Variants in PKD2 observed in about 807,000 individuals in gnomAD.
PKD2 encodes the protein polycystin 2, transient receptor potential cation channel.
Under a neutral mutation model 105.9 loss-of-function variants are expected in PKD2, and 48 were observed. The observed-to-expected ratio is 0.45, with a 90% CI of 0.36 to 0.58. The LOEUF (loss-of-function observed/expected upper bound fraction) is 0.58, where lower values mean the gene tolerates loss of function less well. PKD2 is among the 20% of genes least tolerant of loss of function. The pLI is 0.00. For missense variants in PKD2, 1,078 were observed against 1,255.3 expected, an observed-to-expected ratio of 0.86 and a Z score of 2.13; for synonymous variants, 464 against 481.1, an observed-to-expected ratio of 0.96 and a Z score of 0.46.
chr4:88,042,271 C>T (rs1203414052), intron 4 of PKD2, among the ~76,000 whole-genome samples: 1 of 152,190 alleles, frequency 6.6e-6, no homozygotes, highest in Non-Finnish European at 1.5e-5. Context: ...TCACGTCTTA[C>T]GTGGATGGCA....
intron 4 of PKD2, 52 bp from the exon 5 acceptor site, chr4:88,043,181 C>G: frequency 1.7e-6 from 2 of 1,154,658 alleles, no homozygotes; most frequent in East Asian, 2.4e-5. Flanking sequence ...GTAATTGCCT[C>G]AAGTGTTCCA....
chr4:88,046,598 G>GTGT (rs770946743), intron 5 of PKD2, 44 bp from the exon 6 acceptor site: 3 of 1,119,852 alleles, frequency 2.7e-6, no homozygotes, highest in Non-Finnish European at 4.1e-6. Context: ...CTGTATTCAT[G>GTGT]TGTTGTTGTT....
chr4:88,072,464 A>T (rs1721070976), intron 13 of PKD2, among the ~76,000 whole-genome samples: 1 of 152,220 alleles, frequency 6.6e-6, no homozygotes, highest in Non-Finnish European at 1.5e-5. Context: ...CATTCCAAAT[A>T]AAGTCCATTC....
At chr4:88,042,593 T>C (rs534248060) in intron 4 of PKD2, among the ~76,000 whole-genome samples, 2 of 152,312 alleles carry the variant, frequency 1.3e-5, no homozygotes, top group East Asian at 3.9e-4. Context: ...CACTGCCAGA[T>C]CCCCAAATAA....
In PKD2 at chr4:88,076,831, CAAAAAT is replaced by C. The variant is rs915732553; in HGVS notation, c.*1143_*1148del. On this transcript the variant is annotated 3_prime_UTR_variant, in exon 15 of 15. Transcript: ENST00000237596. ...CGAAACTCCATCTCTACAAAAAATG[CAAAAAT>C]AAAAAATATAGTACTCAAGTATTCT... 14 of 151,968 alleles carry C rather than the reference CAAAAAT, an allele frequency of 9.2e-5. No individual in the cohort carries two copies. The highest frequency in any genetic ancestry group is 3.4e-4 in the African/African-American group (14 of 41,452). 9.4% of individuals were successfully genotyped at this position (151,968 alleles called of 1,614,324 possible).
Position 88,046,690 on chromosome 4 carries a change from A to G in PKD2, c.1368A>G (p.Gln456=), listed in dbSNP as rs529196998. 10 of 1,613,804 alleles carry G rather than the reference A, an allele frequency of 6.2e-6. No individual in the cohort carries two copies. In the East Asian group the frequency reaches 6.7e-5, roughly 11 times the overall value. The change falls in exon 6 of 15, where the codon CAA becomes CAG. Residue 456 remains glutamine (Q), a synonymous_variant. Coordinates refer to ENST00000237596, the MANE Select transcript of PKD2 (RefSeq NM_000297.4). ...CAGGTGGTGTGATTCCATCTTGGCA[A>G]TTTCAGCCTTTAAAGCTGATCCGAT... ...PATGGVIPSW[Q]FQPLKLIRYV... is the part of the protein sequence containing the mutation.
intron 1 of PKD2, among the ~76,000 whole-genome samples, chr4:88,009,736 A>T (rs17013709): frequency 0.098 from 14,888 of 152,174 alleles, 1,069 homozygotes; most frequent in East Asian, 0.41. Context: ...TAAAACACTA[A>T]CACTTTTTAA....
chr4:88,021,095 T>C (rs756875402), intron 2 of PKD2, among the ~76,000 whole-genome samples: 7 of 152,232 alleles, frequency 4.6e-5, no homozygotes, highest in Non-Finnish European at 8.8e-5. Context: ...GCCTTAAATA[T>C]TAACAAGTTG....
chr4:88,054,498 C>T (rs932777966), intron 7 of PKD2, among the ~76,000 whole-genome samples: 7 of 151,956 alleles, frequency 4.6e-5, no homozygotes, highest in African/African-American at 1.7e-4. Context: ...TCACTGTGGC[C>T]AGTAACAATG....
At chr4:88,024,223 G>A (rs150037740) in intron 2 of PKD2, among the ~76,000 whole-genome samples, 6 of 152,112 alleles carry the variant, frequency 3.9e-5, no homozygotes, top group South Asian at 2.1e-4. Flanking sequence ...TTGGGAGGCC[G>A]AGGCAGGCAG....
At chr4:88,065,900 C>G (rs369921139) in intron 12 of PKD2, 21 bp downstream of exon 12, 44 of 1,389,674 alleles carry the variant, frequency 3.2e-5, no homozygotes, top group Non-Finnish European at 4.2e-5. Flanking sequence ...TTTAGGAGAA[C>G]CGGATTTGAT....
At chr4:88,028,080 A>G (rs1337175350) in intron 2 of PKD2, among the ~76,000 whole-genome samples, 1 of 152,250 alleles carries the variant, frequency 6.6e-6, no homozygotes, top group African/African-American at 2.4e-5. Context: ...ACGAACAACA[A>G]AATCATAGTA....
rs1343816172 is a variant in PKD2 at position 88,043,583 on chromosome 4, A to G, written c.1319+126A>G. On this transcript the variant is annotated intron_variant, in intron 5 of 14. Transcript: ENST00000237596. ...GAGGATGCCAAGGACCCAGACGGAT[A>G]GCAAGGGAGGGGTAAAAACTGAAGG... 8 of 669,112 alleles carry G rather than the reference A, an allele frequency of 1.2e-5. No homozygotes were observed. The Admixed American group carries it at 2.0e-4, about 17-fold the overall frequency. 41.4% of individuals were successfully genotyped at this position (669,112 alleles called of 1,614,324 possible). A position where few individuals can be genotyped will look rare whatever the true frequency, so the allele number is the denominator to read the frequency against.
chr4:88,067,860 G>A, intron 12 of PKD2, 38 bp from the exon 13 acceptor site: 2 of 1,599,596 alleles, frequency 1.3e-6, no homozygotes, highest in East Asian at 2.2e-5. Context: ...TGGGGTCTCA[G>A]TGTTCTGCTC....
At position 88,057,510 on chromosome 4, in the gene PKD2, A is replaced by G. The variant is rs949649942; in HGVS notation, c.1899-473A>G. On this transcript the variant is annotated intron_variant, in intron 8 of 14. Transcript: ENST00000237596. ...GAGTGCAGCGGTGTAATCTCAGCTC[A>G]CTGCAACCTCTGCCTCCCGGGTTCA... 4.8e-5 allele frequency among the ~76,000 whole-genome samples: 7 copies of G among 145,464 alleles called. No individual in the cohort carries two copies. The Admixed American group carries it at 5.0e-4, about 10-fold the overall frequency.
At position 88,051,839 on chromosome 4, in the gene PKD2, T is replaced by C. The variant is rs1347042143; in HGVS notation, c.1549-152T>C. 7 of 596,426 alleles carry C rather than the reference T, an allele frequency of 1.2e-5. No homozygotes were observed. In the East Asian group the frequency reaches 1.7e-4, roughly 14 times the overall value. 36.9% of individuals were successfully genotyped at this position (596,426 alleles called of 1,614,324 possible). ...TATGGCAGGGCTTAACACTTTCCAT[T>C]TGAGTGAGTGACTTTTAAGAATGAC... is the stretch of plus-strand genomic sequence containing the variant. On this transcript the variant is annotated intron_variant, in intron 6 of 14. Transcript: ENST00000237596.
At chr4:88,018,328 A>G (rs1726628633) in intron 1 of PKD2, among the ~76,000 whole-genome samples, 1 of 152,218 alleles carries the variant, frequency 6.6e-6, no homozygotes, top group Non-Finnish European at 1.5e-5. Flanking sequence ...AAATACATGA[A>G]CACTAATGAT....
chr4:88,057,135 G>T (rs975918043), intron 8 of PKD2, among the ~76,000 whole-genome samples: 2 of 152,028 alleles, frequency 1.3e-5, no homozygotes, highest in African/African-American at 4.8e-5. Context: ...GACTACAAGT[G>T]TATGCCACCA....
intron 1 of PKD2, among the ~76,000 whole-genome samples, chr4:88,009,947 TATATA>T (rs1284830973): frequency 2.0e-5 from 3 of 152,154 alleles, no homozygotes; most frequent in Admixed American, 2.0e-4. Flanking sequence ...AGAAATAAAA[TATATA>T]TTTCATATGA....
Sources: gnomAD v4.1 joint callset for allele counts (sites outside exome capture counted in the v4.1 genomes callset) on GRCh38, gnomAD v4.1.1 for gene constraint, MANE v1.5 for transcripts, NCBI Gene and HGNC (gene_info 2026-07-23, HGNC 2026-07-21) for gene names.